Variants in ATRNL1 observed in about 807,000 individuals in gnomAD.
ATRNL1 encodes attractin-like protein 1.
In ATRNL1, 95 loss-of-function variants were observed where a neutral mutation model predicts 182.7. The ratio of observed to expected loss-of-function variants is 0.52; its 90% CI spans 0.44 to 0.62. The LOEUF is 0.62. ATRNL1 is among the 20% of genes least tolerant of loss of function. The pLI is 0.00. For synonymous variants in ATRNL1, 576 were observed against 568.3 expected (o/e 1.01, Z -0.19); for missense variants, 1,471 against 1,679.5 (o/e 0.88, Z 2.17).
At chr10:115,167,973 C>T (rs1231370974) in intron 7 of ATRNL1, among the ~76,000 whole-genome samples, 5 of 152,046 alleles carry the variant, frequency 3.3e-5, no homozygotes, top group African/African-American at 9.7e-5. Context: ...TGTATCCTTT[C>T]GGTATCACCC....
intron 27 of ATRNL1, among the ~76,000 whole-genome samples, chr10:115,733,690 A>G (rs1485424121): frequency 6.6e-5 from 10 of 152,292 alleles, no homozygotes; most frequent in African/African-American, 2.4e-4. Context: ...ATCCATGGAC[A>G]GTAGTTCCAG....
At chr10:115,494,080 G>A (rs942646798) in intron 24 of ATRNL1, among the ~76,000 whole-genome samples, 19 of 152,048 alleles carry the variant, frequency 1.2e-4, no homozygotes, top group African/African-American at 4.6e-4. Flanking sequence ...TGCTTAATAT[G>A]CTGATAGTTT....
chr10:115,264,643 T>C (rs1554909927), intron 10 of ATRNL1, among the ~76,000 whole-genome samples: 1 of 151,624 alleles, frequency 6.6e-6, no homozygotes, highest in African/African-American at 2.4e-5. Flanking sequence ...TGATTTTCAT[T>C]TTTTATCTAG....
intron 26 of ATRNL1, among the ~76,000 whole-genome samples, chr10:115,580,984 T>G (rs1427778082): frequency 6.6e-6 from 1 of 152,162 alleles, no homozygotes; most frequent in Non-Finnish European, 1.5e-5. Flanking sequence ...TATGACTGTT[T>G]CTTTGAATTT....
At chr10:115,929,565 A>G (rs868982915) in intron 28 of ATRNL1, among the ~76,000 whole-genome samples, 1 of 152,168 alleles carries the variant, frequency 6.6e-6, no homozygotes, top group African/African-American at 2.4e-5. Flanking sequence ...AGAGGGTCCA[A>G]TGAGTTTATC....
At chr10:115,142,599 A>G (rs534579766) in intron 5 of ATRNL1, among the ~76,000 whole-genome samples, 31 of 152,338 alleles carry the variant, frequency 2.0e-4, no homozygotes, top group African/African-American at 7.5e-4. Flanking sequence ...GAGCCATTGA[A>G]GGATTTTGAG....
rs200310484 is a variant in ATRNL1, at chr10:115,705,821, C to T, written c.3796-21427C>T. 6.8e-4 allele frequency among the ~76,000 whole-genome samples: 104 copies of T among 152,012 alleles called. 1 individual carries two copies. The highest frequency in any genetic ancestry group is 3.4e-3 in the Middle Eastern group (1 of 294). On this transcript the variant is annotated intron_variant, in intron 26 of 28. Coordinates refer to ENST00000355044, the MANE Select transcript of ATRNL1 (RefSeq NM_207303.4). ...ATGCAGAAAGTAGTTTATTTTTGTG[C>T]GTTGTGTTTGGTTTCTTTCTAAACA...
chr10:115,803,490 T>C (rs1482691040), intron 27 of ATRNL1, among the ~76,000 whole-genome samples: 1 of 152,104 alleles, frequency 6.6e-6, no homozygotes, highest in African/African-American at 2.4e-5. Context: ...TGAGAACAAA[T>C]AGAATCACAT....
At chr10:115,486,462 CATT>C (rs1302081073) in intron 24 of ATRNL1, among the ~76,000 whole-genome samples, 1 of 152,054 alleles carries the variant, frequency 6.6e-6, no homozygotes, top group African/African-American at 2.4e-5. Flanking sequence ...GATGGTATCT[CATT>C]GTGGTTTTGA....
rs1554971658 is a variant in ATRNL1, at chr10:115,469,343, G to A, written c.3654+14G>A. 2 of 1,481,038 alleles carry A rather than the reference G, an allele frequency of 1.4e-6. No homozygotes were observed. Among genetic ancestry groups the A allele is most frequent in the Admixed American group, 2.5e-5 (1 of 39,558 alleles). 91.7% of individuals were successfully genotyped at this position (1,481,038 alleles called of 1,614,324 possible). A position where few individuals can be genotyped will look rare whatever the true frequency, so the allele number is the denominator to read the frequency against. ...ATTAAAATACAGGTAAGTGTTAAGAGTATTTACTTCTAATGACCATAATAT... is the reference window on the plus strand; with the variant it reads ...ATTAAAATACAGGTAAGTGTTAAGAATATTTACTTCTAATGACCATAATAT... On this transcript the variant is annotated intron_variant, in intron 24 of 28. Transcript: ENST00000355044.
chr10:115,631,226 C>G (rs1858488958), intron 26 of ATRNL1, among the ~76,000 whole-genome samples: 1 of 151,860 alleles, frequency 6.6e-6, no homozygotes, highest in African/African-American at 2.4e-5. Context: ...TAAATATTCC[C>G]ACCACATCAA....
At chr10:115,844,913 G>A (rs1262197042) in intron 27 of ATRNL1, among the ~76,000 whole-genome samples, 1 of 151,980 alleles carries the variant, frequency 6.6e-6, no homozygotes, top group Admixed American at 6.6e-5. Context: ...TAGTTATCAC[G>A]AAACAACTGC....
intron 8 of ATRNL1, among the ~76,000 whole-genome samples, chr10:115,187,612 A>C (rs1010965287): frequency 6.6e-6 from 1 of 151,948 alleles, no homozygotes; most frequent in African/African-American, 2.4e-5. Context: ...TACAAATGTT[A>C]AATTTCTTAA....
chr10:115,884,558 G>A (rs979994768), intron 28 of ATRNL1, among the ~76,000 whole-genome samples: 2 of 152,178 alleles, frequency 1.3e-5, no homozygotes, highest in African/African-American at 2.4e-5. Flanking sequence ...ATGGGGAATC[G>A]TTAATCTGTT....
intron 28 of ATRNL1, among the ~76,000 whole-genome samples, chr10:115,864,123 G>A (rs915729620): frequency 2.6e-5 from 4 of 152,142 alleles, no homozygotes; most frequent in East Asian, 1.9e-4. Flanking sequence ...GCCAGCCATG[G>A]TGGCATGTGC....
At chr10:115,241,520 C>T in intron 9 of ATRNL1, 51 bp from the exon 10 acceptor site, 3 of 1,302,404 alleles carry the variant, frequency 2.3e-6, no homozygotes, top group Non-Finnish European at 3.2e-6. Flanking sequence ...TATATAAAAT[C>T]AGGGAGGTCA....
chr10:115,754,409 A>T (rs1310998785), intron 27 of ATRNL1, among the ~76,000 whole-genome samples: 3 of 151,976 alleles, frequency 2.0e-5, no homozygotes, highest in Non-Finnish European at 4.4e-5. Flanking sequence ...AGTTTTCCTA[A>T]CACCATTTAT....
intron 10 of ATRNL1, among the ~76,000 whole-genome samples, chr10:115,245,691 G>A (rs118137814): frequency 0.011 from 1,683 of 152,062 alleles, 76 homozygotes; most frequent in East Asian, 0.1. Flanking sequence ...GAATACTCAT[G>A]CAAAGTTATG....
chr10:115,653,698 G>A (rs1156259989), intron 26 of ATRNL1, among the ~76,000 whole-genome samples: 2 of 152,148 alleles, frequency 1.3e-5, no homozygotes, highest in African/African-American at 4.8e-5. Context: ...TGATGGTCAT[G>A]CTGTTATGGA....
Sources: gnomAD v4.1 joint callset for allele counts (sites outside exome capture counted in the v4.1 genomes callset) on GRCh38, gnomAD v4.1.1 for gene constraint, MANE v1.5 for transcripts, NCBI Gene and HGNC (gene_info 2026-07-23, HGNC 2026-07-21) for gene names.